The following ABCC1 variants were observed in gnomAD, a reference collection of about 807,000 sequenced individuals.
ABCC1 encodes the protein multidrug resistance-associated protein 1.
ABCC1 carries 83 observed loss-of-function variants against 172.9 expected under a neutral mutation model. The observed-to-expected ratio is 0.48, with a 90% CI of 0.40 to 0.58. ABCC1 has a LOEUF of 0.58. Among genes scored for constraint, ABCC1 ranks in the 20% least tolerant of loss-of-function variants. The pLI, the probability that ABCC1 is intolerant of heterozygous loss-of-function variation, is 0.00. For synonymous variants in ABCC1, 937 were observed against 825.2 expected, an observed-to-expected ratio of 1.14 and a Z score of -2.32; for missense variants, 1,817 against 2,002.7, an observed-to-expected ratio of 0.91 and a Z score of 1.77.
At chr16:15,993,565 C>T (rs966642246) in intron 1 of ABCC1, among the ~76,000 whole-genome samples, 3 of 152,030 alleles carry the variant, frequency 2.0e-5, no homozygotes, top group Non-Finnish European at 4.4e-5. Context: ...CAGAGGCCAG[C>T]GACGCCACTC....
intron 1 of ABCC1, among the ~76,000 whole-genome samples, chr16:15,979,754 A>G (rs1033356342): frequency 5.9e-5 from 9 of 152,090 alleles, no homozygotes; most frequent in Non-Finnish European, 8.8e-5. Context: ...ACTATATTCA[A>G]TATTCAAAGT....
chr16:16,009,423 T>A (rs2047683402), intron 2 of ABCC1, among the ~76,000 whole-genome samples: 1 of 152,062 alleles, frequency 6.6e-6, no homozygotes, highest in African/African-American at 2.4e-5. Context: ...GAATGAATGG[T>A]TGTCGTGGAG....
At position 16,044,493 on chromosome 16, in the gene ABCC1, C is replaced by T; in HGVS notation, c.853C>T (p.Pro285Ser). 6.2e-7 allele frequency: 1 copy of T among 1,614,160 alleles called. No individual in the cohort carries two copies. The highest frequency in any genetic ancestry group is 8.5e-7 in the Non-Finnish European group (1 of 1,180,018). Reference protein sequence around the residue: ...VVYSSKDPAQPKESSKVDANE... With the variant: ...VVYSSKDPAQSKESSKVDANE... Reference sequence around the variant, plus strand: ...GTACTCCTCCAAGGATCCTGCCCAGCCGAAAGAGAGTTCCAAGGTGGATGC... The same window carrying T: ...GTACTCCTCCAAGGATCCTGCCCAGTCGAAAGAGAGTTCCAAGGTGGATGC... The change falls in exon 8 of 31, where the codon CCG becomes TCG. Residue 285 changes from proline (P) to serine (S), a missense_variant. By Grantham distance (74) the Pro-to-Ser change is moderately conservative (BLOSUM62 -1). This residue lies in a region of ABCC1 where 398 missense variants were observed against 384.2 expected (regional missense o/e 1.04). Coordinates refer to ENST00000399410, the MANE Select transcript of ABCC1 (RefSeq NM_004996.4).
chr16:16,105,302 C>T (rs1018734852), intron 20 of ABCC1: 6 of 152,274 alleles, frequency 3.9e-5, no homozygotes. Flanking sequence ...GGTCATGAAG[C>T]AGGAAGCCCC....
intron 19 of ABCC1, among the ~76,000 whole-genome samples, chr16:16,097,293 A>G (rs1178039107): frequency 6.6e-6 from 1 of 152,084 alleles, no homozygotes; most frequent in African/African-American, 2.4e-5. Flanking sequence ...TTGTATTTTT[A>G]GTAGAGACGG....
chr16:16,094,975 G>T (rs937660634), intron 19 of ABCC1: 1 of 151,868 alleles, frequency 6.6e-6, no homozygotes, highest in Non-Finnish European at 1.5e-5. Flanking sequence ...GTGCCACCAC[G>T]CCCAGCTAAT....
rs944638499 is a variant in ABCC1 at position 15,992,227 on chromosome 16, A to C, written c.49-15589A>C. On this transcript the variant is annotated intron_variant, in intron 1 of 30. Coordinates refer to ENST00000399410, the MANE Select transcript of ABCC1 (RefSeq NM_004996.4). ...CATCTAGTTGCAGGAAAACAAACTC[A>C]GGGCTCCCACCGATTCTACATAATG... Among the ~76,000 whole-genome samples the C allele has an allele frequency of 3.6e-5, 5 of 138,534 alleles. No individual in the cohort carries two copies. The South Asian group carries it at 1.2e-3, about 33-fold the overall frequency. 90.9% of individuals were successfully genotyped at this position (138,534 alleles called of 152,430 possible).
rs749287017 is a variant in ABCC1 at position 16,125,790 on chromosome 16, CG to C, written c.3718-19del. 6.3e-7 allele frequency: 1 copy of C among 1,579,996 alleles called. No homozygotes were observed. The highest frequency in any genetic ancestry group is 8.7e-7 in the Non-Finnish European group (1 of 1,153,348). ...ACGCCCGCTTACTCTAGAAATGCCA[CG>C]TGACTCTTCCACTCACAGGTCACCA... On this transcript the variant is annotated intron_variant, in intron 25 of 30. Coordinates refer to ENST00000399410, the MANE Select transcript of ABCC1 (RefSeq NM_004996.4).
intron 13 of ABCC1, among the ~76,000 whole-genome samples, chr16:16,069,062 C>T (rs2050222939): frequency 6.7e-6 from 1 of 149,458 alleles, no homozygotes; most frequent in Admixed American, 6.7e-5. Flanking sequence ...AATCCCAGCA[C>T]TTTGGGAGGC....
chr16:16,040,428 C>T (rs1324882555), intron 7 of ABCC1, among the ~76,000 whole-genome samples: 1 of 151,866 alleles, frequency 6.6e-6, no homozygotes, highest in African/African-American at 2.4e-5. Context: ...GCTGGGATTA[C>T]AGGAATGTAC....
chr16:16,065,702 G>C (rs1385829010), intron 12 of ABCC1, among the ~76,000 whole-genome samples: 1 of 152,086 alleles, frequency 6.6e-6, no homozygotes, highest in East Asian at 1.9e-4. Flanking sequence ...CAACATGCTG[G>C]GATTACAGGC....
chr16:16,137,283 G>A (rs989200048), intron 29 of ABCC1, among the ~76,000 whole-genome samples: 4 of 152,138 alleles, frequency 2.6e-5, no homozygotes, highest in South Asian at 2.1e-4. Flanking sequence ...GGCTGATCTC[G>A]GGGTCAGCTG....
At position 16,042,625 on chromosome 16, in the gene ABCC1, C is replaced by T. The variant is rs1001571670; in HGVS notation, c.810-1825C>T. ...GGCTGAGGCAGGAGAATCGCTTGAA[C>T]GCAGGAGGCGGAGGTTGCAGGGAGT... On this transcript the variant is annotated intron_variant, in intron 7 of 30. Coordinates refer to ENST00000399410, the MANE Select transcript of ABCC1 (RefSeq NM_004996.4). Among the ~76,000 whole-genome samples, 12 of 151,334 alleles carry T rather than the reference C, an allele frequency of 7.9e-5. No individual in the cohort carries two copies. The South Asian group carries it at 1.5e-3, about 18-fold the overall frequency.
intron 12 of ABCC1, among the ~76,000 whole-genome samples, chr16:16,057,041 C>G (rs747733599): frequency 1.8e-4 from 27 of 152,012 alleles, no homozygotes; most frequent in Non-Finnish European, 2.2e-4. Context: ...TAAACACACT[C>G]TAAAATTTAC....
intron 19 of ABCC1, among the ~76,000 whole-genome samples, chr16:16,096,675 G>C (rs900119799): frequency 6.6e-6 from 1 of 152,128 alleles, no homozygotes; most frequent in Non-Finnish European, 1.5e-5. Context: ...TCTTCCCTCC[G>C]GGGAGGCTGG....
At chr16:16,086,565 C>A (rs2051013704) in intron 17 of ABCC1, among the ~76,000 whole-genome samples, 1 of 152,192 alleles carries the variant, frequency 6.6e-6, no homozygotes, top group African/African-American at 2.4e-5. Flanking sequence ...AGCCATCTTC[C>A]CACTCAGCCT....
At chr16:16,057,213 G>A (rs1320800206) in intron 12 of ABCC1, among the ~76,000 whole-genome samples, 3 of 148,028 alleles carry the variant, frequency 2.0e-5, no homozygotes, top group Non-Finnish European at 4.5e-5. Flanking sequence ...GAAAAAAAAA[G>A]CTGGGCATGG....
intron 1 of ABCC1, among the ~76,000 whole-genome samples, chr16:15,968,440 C>A (rs566111659): frequency 1.3e-5 from 2 of 152,154 alleles, no homozygotes; most frequent in African/African-American, 4.8e-5. Context: ...CAGAGTCTTG[C>A]TCTATTACCC....
rs1455616742 is a variant in ABCC1, at chr16:16,026,919, AAC to A, written c.616-6186_616-6185del. Among the ~76,000 whole-genome samples the A allele has an allele frequency of 2.0e-5, 3 of 152,120 alleles. No individual in the cohort carries two copies. In the East Asian group the frequency reaches 5.8e-4, roughly 29 times the overall value. On this transcript the variant is annotated intron_variant, in intron 5 of 30. Coordinates refer to ENST00000399410, the MANE Select transcript of ABCC1 (RefSeq NM_004996.4). Reference sequence around the variant, plus strand: ...GCGACAGAGTGAGACTCAGTCTCAAAACACAAAAAACAAAAAACTGTGCAGTG... The same window carrying A: ...GCGACAGAGTGAGACTCAGTCTCAAAACAAAAAACAAAAAACTGTGCAGTG...
Sources: allele counts gnomAD v4.1 joint callset (sites outside exome capture counted in the v4.1 genomes callset), GRCh38; gene constraint gnomAD v4.1.1; regional missense constraint gnomAD v4.1.1; transcripts MANE v1.5; gene names NCBI Gene and HGNC (gene_info 2026-07-23, HGNC 2026-07-21).